The following GALNT13 variants were observed in gnomAD, a reference collection of about 807,000 sequenced individuals.
GALNT13 encodes the protein UDP-GalNAc:polypeptide N-acetylgalactosaminyltransferase 13.
In GALNT13, 28 loss-of-function variants were observed where a neutral mutation model predicts 64.2. The observed-to-expected ratio is 0.44, with a 90% CI of 0.32 to 0.60. The LOEUF (loss-of-function observed/expected upper bound fraction) is 0.60, where lower values mean the gene tolerates loss of function less well. Among genes scored for constraint, GALNT13 ranks in the 20% least tolerant of loss-of-function variants. The pLI, the probability that GALNT13 is intolerant of heterozygous loss-of-function variation, is 0.05. For synonymous variants in GALNT13, 214 were observed against 224.6 expected (o/e 0.95, Z 0.42); for missense variants, 577 against 669.8 (o/e 0.86, Z 1.53).
chr2:153,242,492 A>T, the GALNT13 span, among the ~76,000 whole-genome samples: 1 of 152,198 alleles, frequency 6.6e-6, no homozygotes, highest in Non-Finnish European at 1.5e-5. Context: ...AAAACTTATT[A>T]ATTTCATGTG....
chr2:153,224,405 G>C, the GALNT13 span, among the ~76,000 whole-genome samples: 1 of 152,118 alleles, frequency 6.6e-6, no homozygotes, highest in Admixed American at 6.5e-5. Context: ...TGGATGACAA[G>C]ATCATTTGTA....
the GALNT13 span, among the ~76,000 whole-genome samples, chr2:153,679,513 G>A: frequency 6.6e-6 from 1 of 151,888 alleles, no homozygotes; most frequent in African/African-American, 2.4e-5. Flanking sequence ...ATTATGCATA[G>A]TACGTGTGTT....
intron 3 of GALNT13, among the ~76,000 whole-genome samples, chr2:154,019,738 A>G (rs1697305792): frequency 6.6e-6 from 1 of 151,612 alleles, no homozygotes; most frequent in South Asian, 2.1e-4. Context: ...TTTAGAGTAC[A>G]TGTGCACAAC....
At chr2:153,510,094 A>C in the GALNT13 span, among the ~76,000 whole-genome samples, 2 of 152,226 alleles carry the variant, frequency 1.3e-5, no homozygotes, top group Non-Finnish European at 2.9e-5. Flanking sequence ...CAGAGTATCT[A>C]ATTGCAGGCA....
chr2:153,874,142 A>G (rs891359755), intron 1 of GALNT13, among the ~76,000 whole-genome samples: 7 of 143,326 alleles, frequency 4.9e-5, no homozygotes, highest in Non-Finnish European at 9.0e-5. Flanking sequence ...CTCCTGCAGA[A>G]TAAGAACCTT....
At chr2:154,177,800 C>A (rs1685735968) in intron 4 of GALNT13, among the ~76,000 whole-genome samples, 1 of 151,936 alleles carries the variant, frequency 6.6e-6, no homozygotes, top group Non-Finnish European at 1.5e-5. Context: ...AGAGAAAGAC[C>A]AGACCTGAAA....
chr2:153,767,278 T>A, the GALNT13 span, among the ~76,000 whole-genome samples: 1 of 152,130 alleles, frequency 6.6e-6, no homozygotes, highest in African/African-American at 2.4e-5. Flanking sequence ...GCAAAGGACA[T>A]GAATTTATTC....
intron 3 of GALNT13, among the ~76,000 whole-genome samples, chr2:154,027,798 C>G (rs1207595855): frequency 6.6e-6 from 1 of 151,934 alleles, no homozygotes; most frequent in Non-Finnish European, 1.5e-5. Context: ...TTTCACAGAA[C>G]AGCTTAATGA....
chr2:153,447,256 G>GGC, the GALNT13 span, among the ~76,000 whole-genome samples: 6 of 152,174 alleles, frequency 3.9e-5, no homozygotes. Flanking sequence ...TAGGTGAAGA[G>GGC]GCCAGGATAG....
the GALNT13 span, among the ~76,000 whole-genome samples, chr2:153,811,512 ATTAC>A: frequency 6.6e-6 from 1 of 152,046 alleles, no homozygotes. Flanking sequence ...TGTCTTGGTA[ATTAC>A]TTTTTACATG....
rs1162569844 is a variant in GALNT13 at position 154,035,211 on chromosome 2, C to T, written c.142+90572C>T. Among the ~76,000 whole-genome samples the T allele has an allele frequency of 3.3e-5, 5 of 151,990 alleles. No individual in the cohort carries two copies. In the East Asian group the frequency reaches 7.7e-4, roughly 23 times the overall value. ...CACTTGGATTTCTTATTGCTCATCT[C>T]GTCTCTTATGGTATGTGCGTTTGTA... On this transcript the variant is annotated intron_variant, in intron 3 of 12. Transcript: ENST00000392825.
chr2:154,002,839 G>C (rs988107825), intron 3 of GALNT13, among the ~76,000 whole-genome samples: 1 of 152,020 alleles, frequency 6.6e-6, no homozygotes, highest in Non-Finnish European at 1.5e-5. Context: ...TTGTTGCTTC[G>C]AATTCTAGGG....
At chr2:154,318,348 T>C (rs919493907) in intron 9 of GALNT13, among the ~76,000 whole-genome samples, 1 of 152,210 alleles carries the variant, frequency 6.6e-6, no homozygotes, top group Non-Finnish European at 1.5e-5. Context: ...GTTCATGATA[T>C]ACCATTAGAA....
At position 154,286,601 on chromosome 2, in the gene GALNT13, A is replaced by G. The variant is rs1469901804; in HGVS notation, c.976-14808A>G. On this transcript the variant is annotated intron_variant, in intron 8 of 12. Transcript: ENST00000392825. ...AGCAGAAGGAAACATGGCTGCCAGCATGTTTGAGTCTATTAACAAGTTTGG... is the reference window on the plus strand; with the variant it reads ...AGCAGAAGGAAACATGGCTGCCAGCGTGTTTGAGTCTATTAACAAGTTTGG... 2.2e-5 allele frequency: 5 copies of G among 228,060 alleles called. 1 individual carries two copies. Among genetic ancestry groups the G allele is most frequent in the Non-Finnish European group, 4.3e-5 (5 of 115,146 alleles). 14.1% of individuals were successfully genotyped at this position (228,060 alleles called of 1,614,324 possible). A position where few individuals can be genotyped will look rare whatever the true frequency, so the allele number is the denominator to read the frequency against.
the GALNT13 span, among the ~76,000 whole-genome samples, chr2:153,074,114 A>C: frequency 6.6e-6 from 1 of 152,208 alleles, no homozygotes; most frequent in African/African-American, 2.4e-5. Context: ...GTTAGCAGCC[A>C]CTGACAATAA....
At chr2:153,423,928 T>C in the GALNT13 span, among the ~76,000 whole-genome samples, 16,444 of 151,406 alleles carry the variant, frequency 0.11, 1,314 homozygotes, top group African/African-American at 0.22. Context: ...TATGTTAGAC[T>C]ATAAAGTGCC....
At chr2:153,807,211 T>G in the GALNT13 span, among the ~76,000 whole-genome samples, 4 of 151,362 alleles carry the variant, frequency 2.6e-5, no homozygotes, top group African/African-American at 9.7e-5. Flanking sequence ...CTCCCAGATA[T>G]TTTTCTAACC....
At chr2:153,287,717 T>G in the GALNT13 span, among the ~76,000 whole-genome samples, 1 of 152,154 alleles carries the variant, frequency 6.6e-6, no homozygotes, top group Non-Finnish European at 1.5e-5. Context: ...TTGTGTGTTC[T>G]TCGGCTGGCA....
chr2:154,394,064 C>T lies in GALNT13; in HGVS notation c.1157-1927C>T, dbSNP rs62172329. 5.0e-3 allele frequency among the ~76,000 whole-genome samples: 445 copies of T among 88,954 alleles called. 7 individuals carry two copies. Among genetic ancestry groups the T allele is most frequent in the African/African-American group, 0.018 (420 of 22,914 alleles). 58.4% of individuals were successfully genotyped at this position (88,954 alleles called of 152,430 possible). On this transcript the variant is annotated intron_variant, in intron 9 of 12. Transcript: ENST00000392825. ...CTGCACTCCAGCCTGGGCGACAGAGCGAGACTCCGTCTCAAAAAAAAAAAA... is the reference window on the plus strand; with the variant it reads ...CTGCACTCCAGCCTGGGCGACAGAGTGAGACTCCGTCTCAAAAAAAAAAAA...
Sources: allele counts gnomAD v4.1 joint callset (sites outside exome capture counted in the v4.1 genomes callset), GRCh38; gene constraint gnomAD v4.1.1; transcripts MANE v1.5; gene names NCBI Gene and HGNC (gene_info 2026-07-23, HGNC 2026-07-21).